Variants in GRIK2 observed in about 807,000 individuals in gnomAD.
GRIK2 encodes the protein glutamate receptor ionotropic, kainate 2.
GRIK2 carries 32 observed loss-of-function variants against 100.3 expected under a neutral mutation model. That is an observed-to-expected ratio of 0.32 (90% confidence interval 0.24 to 0.43). The LOEUF (loss-of-function observed/expected upper bound fraction) is 0.43, where lower values mean the gene tolerates loss of function less well. Among genes scored for constraint, GRIK2 ranks in the 20% least tolerant of loss-of-function variants. GRIK2 has a pLI of 1.00. For missense variants in GRIK2, 843 were observed against 1,114.9 expected (o/e 0.76, Z 3.47); for synonymous variants, 417 against 389.4 (o/e 1.07, Z -0.83).
chr6:101,910,839 C>CCACACACACACAAACACACA (rs1788631403), intron 12 of GRIK2, among the ~76,000 whole-genome samples: 1 of 143,266 alleles, frequency 7.0e-6, no homozygotes, highest in African/African-American at 2.7e-5. Flanking sequence ...CCAACATACA[C>CCACACACACACAAACACACA]CACACACACA....
intron 7 of GRIK2, among the ~76,000 whole-genome samples, chr6:101,768,894 A>G (rs1044088843): frequency 9.2e-5 from 14 of 152,208 alleles, no homozygotes; most frequent in Admixed American, 6.5e-5. Context: ...GGTAGGTATT[A>G]TAGAAAGTAA....
chr6:101,739,486 T>TAAC (rs1346171501), intron 7 of GRIK2, among the ~76,000 whole-genome samples: 1 of 152,150 alleles, frequency 6.6e-6, no homozygotes, highest in South Asian at 2.1e-4. Context: ...TCAGGCTCTG[T>TAAC]TATTGACTGG....
chr6:101,572,428 TGC>T (rs1315517742), intron 2 of GRIK2, among the ~76,000 whole-genome samples: 11 of 152,192 alleles, frequency 7.2e-5, no homozygotes, highest in Admixed American at 2.0e-4. Context: ...ACTGTAAGTG[TGC>T]GTAATACAAT....
intron 7 of GRIK2, among the ~76,000 whole-genome samples, chr6:101,741,538 C>T (rs935515187): frequency 6.6e-5 from 10 of 152,050 alleles, no homozygotes; most frequent in Non-Finnish European, 1.0e-4. Flanking sequence ...TTTTATATAC[C>T]ATTTTAACAA....
At chr6:101,906,235 A>C (rs1355793511) in intron 12 of GRIK2, among the ~76,000 whole-genome samples, 1 of 151,694 alleles carries the variant, frequency 6.6e-6, no homozygotes, top group Non-Finnish European at 1.5e-5. Context: ...TAGTGATATT[A>C]AAATTGCCTG....
intron 7 of GRIK2, among the ~76,000 whole-genome samples, chr6:101,749,189 A>C (rs1002244196): frequency 1.9e-4 from 29 of 152,130 alleles, no homozygotes; most frequent in Admixed American, 1.5e-3. Context: ...GCTCACTGCA[A>C]CCTCTGCCTT....
At chr6:101,602,432 A>T (rs1779262464) in intron 2 of GRIK2, among the ~76,000 whole-genome samples, 1 of 151,348 alleles carries the variant, frequency 6.6e-6, no homozygotes, top group African/African-American at 2.4e-5. Flanking sequence ...CAGAAAAACA[A>T]TTCTTCTTTT....
chr6:101,818,158 T>G (rs1781747210), intron 9 of GRIK2, among the ~76,000 whole-genome samples: 1 of 152,194 alleles, frequency 6.6e-6, no homozygotes, highest in South Asian at 2.1e-4. Flanking sequence ...CTGGAGAAGT[T>G]CAGTGGATCG....
chr6:101,781,360 A>G (rs759739284), intron 7 of GRIK2, among the ~76,000 whole-genome samples: 4 of 152,148 alleles, frequency 2.6e-5, no homozygotes, highest in Non-Finnish European at 4.4e-5. Context: ...GATTTAAATT[A>G]TTTGTTTTAC....
At chr6:101,874,732 T>TG (rs34657809) in intron 11 of GRIK2, among the ~76,000 whole-genome samples, 63,945 of 151,964 alleles carry the variant, frequency 0.42, 15,106 homozygotes, top group Middle Eastern at 0.64. Context: ...TCCATGAGCA[T>TG]GGAGTGTTCT....
chr6:101,496,910 G>A (rs781267465), intron 2 of GRIK2, among the ~76,000 whole-genome samples: 3 of 152,132 alleles, frequency 2.0e-5, no homozygotes, highest in Non-Finnish European at 4.4e-5. Context: ...TAACGTTGTT[G>A]CTTGATGACC....
chr6:101,617,628 T>C (rs1779954334), intron 2 of GRIK2, among the ~76,000 whole-genome samples: 1 of 151,840 alleles, frequency 6.6e-6, no homozygotes, highest in Admixed American at 6.6e-5. Flanking sequence ...ATTTTAGCCA[T>C]GCTGGTGTAT....
chr6:102,033,284 A>C (rs1178161185), intron 14 of GRIK2, among the ~76,000 whole-genome samples: 2 of 151,258 alleles, frequency 1.3e-5, no homozygotes, highest in African/African-American at 4.8e-5. Context: ...ATGAATCAAG[A>C]CAGACATAAG....
At chr6:101,410,017 G>A (rs1185033536) in intron 2 of GRIK2, among the ~76,000 whole-genome samples, 1 of 151,980 alleles carries the variant, frequency 6.6e-6, no homozygotes, top group Non-Finnish European at 1.5e-5. Context: ...TTAGTTACTT[G>A]ATAGAAGAGT....
chr6:101,556,666 G>A (rs1395938463), intron 2 of GRIK2, among the ~76,000 whole-genome samples: 1 of 152,012 alleles, frequency 6.6e-6, no homozygotes, highest in Non-Finnish European at 1.5e-5. Flanking sequence ...ACAGCAGATT[G>A]TTTTATCCTC....
chr6:101,760,030 C>T (rs975325733), intron 7 of GRIK2, among the ~76,000 whole-genome samples: 1 of 138,288 alleles, frequency 7.2e-6, no homozygotes, highest in Non-Finnish European at 1.5e-5. Context: ...CCACCGCGCC[C>T]GGCTAATTTT....
intron 15 of GRIK2, among the ~76,000 whole-genome samples, chr6:102,036,294 A>G (rs1344752381): frequency 1.3e-5 from 2 of 151,204 alleles, no homozygotes; most frequent in African/African-American, 4.8e-5. Flanking sequence ...ACATGTGTAC[A>G]TGTAGTGGAC....
chr6:101,886,845 G>T (rs1349826087), intron 11 of GRIK2, among the ~76,000 whole-genome samples: 3 of 73,718 alleles, frequency 4.1e-5, no homozygotes, highest in East Asian at 4.6e-4. Flanking sequence ...TTTTTTTTTG[G>T]AGACAGAGTC....
rs1788643526 is a variant in GRIK2, at chr6:101,910,895, G to A, written c.1749-13706G>A. Among the ~76,000 whole-genome samples the A allele has an allele frequency of 2.9e-5, 4 of 135,852 alleles. No homozygotes were observed. In the Admixed American group the frequency reaches 3.0e-4, roughly 10 times the overall value. 89.1% of individuals were successfully genotyped at this position (135,852 alleles called of 152,430 possible). On this transcript the variant is annotated intron_variant, in intron 12 of 16. Coordinates refer to ENST00000369134, the MANE Select transcript of GRIK2 (RefSeq NM_021956.5). ...CAAGCATTGGCTAATAATTTTTCAG[G>A]TATCTTTATCTAAGATAAATAATTT...
Sources: allele counts gnomAD v4.1 joint callset (sites outside exome capture counted in the v4.1 genomes callset), GRCh38; gene constraint gnomAD v4.1.1; transcripts MANE v1.5; gene names NCBI Gene and HGNC (gene_info 2026-07-23, HGNC 2026-07-21).